Variants in SLC12A8 observed in about 807,000 individuals in gnomAD.
SLC12A8 encodes the protein solute carrier family 12 member 8.
SLC12A8 carries 69 observed loss-of-function variants against 75.6 expected under a neutral mutation model. The observed-to-expected ratio is 0.91, with a 90% confidence interval of 0.75 to 1.11. The LOEUF is 1.11. Among genes scored for constraint, SLC12A8 ranks in the 50% most tolerant of loss-of-function variants. The pLI is 0.00. For missense variants in SLC12A8, 877 were observed against 896.7 expected (o/e 0.98, Z 0.28); for synonymous variants, 365 against 372.8 (o/e 0.98, Z 0.24).
rs577049568 is a variant in SLC12A8 at position 125,130,716 on chromosome 3, T to C, written c.736+4953A>G. On this transcript the variant is annotated intron_variant, in intron 6 of 13. Coordinates refer to ENST00000469902, the MANE Select transcript of SLC12A8 (RefSeq NM_024628.6). ...ATACTCTGGGCTACTGGGTGGCACC[T>C]TCAAGCCTCAGGCTGCTGCTAACTC... 6.2e-4 allele frequency among the ~76,000 whole-genome samples: 95 copies of C among 152,358 alleles called. 1 individual carries two copies. Among genetic ancestry groups the C allele is most frequent in the African/African-American group, 2.2e-3 (90 of 41,590 alleles).
At chr3:125,124,386 G>T (rs1321268812) in intron 6 of SLC12A8, among the ~76,000 whole-genome samples, 2 of 152,134 alleles carry the variant, frequency 1.3e-5, no homozygotes, top group African/African-American at 2.4e-5. Flanking sequence ...GAGTGCAATA[G>T]TGTGATCTTG....
chr3:125,174,161 G>A (rs545867885), intron 5 of SLC12A8, among the ~76,000 whole-genome samples: 1 of 152,258 alleles, frequency 6.6e-6, no homozygotes, highest in South Asian at 2.1e-4. Flanking sequence ...TTTTTTAAAA[G>A]GGCAAAAGAT....
At chr3:125,095,041 A>C (rs777119917) in intron 10 of SLC12A8, among the ~76,000 whole-genome samples, 2 of 152,204 alleles carry the variant, frequency 1.3e-5, no homozygotes, top group African/African-American at 2.4e-5. Flanking sequence ...AAAATATTGG[A>C]GTATTCCAAC....
At chr3:125,095,144 G>A (rs1185700229) in intron 10 of SLC12A8, among the ~76,000 whole-genome samples, 1 of 152,142 alleles carries the variant, frequency 6.6e-6, no homozygotes, top group Non-Finnish European at 1.5e-5. Flanking sequence ...ATATATTGAT[G>A]ACTCCAAGTT....
At chr3:125,088,185 G>A in intron 13 of SLC12A8, 125 bp downstream of exon 13, 1 of 847,034 alleles carries the variant, frequency 1.2e-6, no homozygotes, top group Non-Finnish European at 1.9e-6. Flanking sequence ...TCCCGGAGGT[G>A]CCCAGTTGTT....
At chr3:125,139,964 C>T (rs921563193) in intron 5 of SLC12A8, among the ~76,000 whole-genome samples, 3 of 152,174 alleles carry the variant, frequency 2.0e-5, no homozygotes, top group African/African-American at 7.2e-5. Context: ...CCTTAAGGTT[C>T]GAGACCTCTA....
chr3:125,102,128 T>C (rs758807742), intron 10 of SLC12A8, among the ~76,000 whole-genome samples: 13 of 152,226 alleles, frequency 8.5e-5, no homozygotes, highest in Non-Finnish European at 1.8e-4. Flanking sequence ...TCAAATGTTA[T>C]GGTTGCACAG....
In SLC12A8 at chr3:125,110,195, TC is replaced by T. The variant is rs1423903064; in HGVS notation, c.1052del (p.Gly351AspfsTer16). ...AAAAAAGAGGATTACTCACCCCTTGTCCCAGACAGGCAAGTGCAGGGATCAC... is the reference window on the plus strand; with the variant it reads ...AAAAAAGAGGATTACTCACCCCTTGTCCAGACAGGCAAGTGCAGGGATCAC... ...EKVIPALACL[G>X]QGKGPNKTPV... On this transcript the variant is annotated frameshift_variant, in exon 9 of 14. Coordinates refer to ENST00000469902, the MANE Select transcript of SLC12A8 (RefSeq NM_024628.6). LOFTEE classifies it high-confidence loss of function. The T allele has an allele frequency of 6.2e-7, 1 of 1,612,662 alleles. No homozygotes were observed. Among genetic ancestry groups the T allele is most frequent in the Non-Finnish European group, 8.5e-7 (1 of 1,179,024 alleles).
intron 6 of SLC12A8, among the ~76,000 whole-genome samples, chr3:125,122,275 T>C (rs535025341): frequency 1.3e-5 from 2 of 152,208 alleles, no homozygotes; most frequent in Non-Finnish European, 1.5e-5. Context: ...GTCATTTTTA[T>C]TTGACTGTTT....
At chr3:125,159,557 G>C (rs1400716559) in intron 5 of SLC12A8, among the ~76,000 whole-genome samples, 1 of 152,206 alleles carries the variant, frequency 6.6e-6, no homozygotes, top group African/African-American at 2.4e-5. Flanking sequence ...GAACCAATCT[G>C]ATTTAGCCCT....
chr3:125,144,484 A>G (rs1256665952), intron 5 of SLC12A8, among the ~76,000 whole-genome samples: 1 of 152,050 alleles, frequency 6.6e-6, no homozygotes, highest in Non-Finnish European at 1.5e-5. Context: ...AGCCCCCACT[A>G]GCCTACCCTA....
intron 5 of SLC12A8, among the ~76,000 whole-genome samples, chr3:125,150,585 C>T (rs968800418): frequency 3.3e-5 from 5 of 152,052 alleles, no homozygotes; most frequent in East Asian, 1.9e-4. Flanking sequence ...TAGATAATTC[C>T]GATACAGGAA....
intron 6 of SLC12A8, among the ~76,000 whole-genome samples, chr3:125,127,766 C>T (rs1262474332): frequency 4.0e-5 from 6 of 151,090 alleles, no homozygotes; most frequent in Admixed American, 2.0e-4. Flanking sequence ...TAAGTATTGT[C>T]GATATTTATA....
intron 9 of SLC12A8, 25 bp downstream of exon 9, chr3:125,110,164 A>T: frequency 6.3e-7 from 1 of 1,598,424 alleles, no homozygotes; most frequent in African/African-American, 1.3e-5. Flanking sequence ...TTCAAAAAAC[A>T]AACCAAAAAA....
In SLC12A8 at chr3:125,190,498, G is replaced by A. The variant is rs1934890748; in HGVS notation, c.75C>T (p.Pro25=). The A allele has an allele frequency of 1.2e-6, 2 of 1,614,062 alleles. No individual in the cohort carries two copies. The highest frequency in any genetic ancestry group is 2.2e-5 in the South Asian group (2 of 91,086). ...AQQDALAQPQ[P]WWKTQLFMWE... ...ACATGAACAGCTGGGTCTTCCACCA[G>A]GGCTGGGGCTGGGCCAGGGCATCCT... is the stretch of plus-strand genomic sequence containing the variant. The change falls in exon 3 of 14, where the codon CCC becomes CCT. Residue 25 remains proline (P), a synonymous_variant. Coordinates refer to ENST00000469902, the MANE Select transcript of SLC12A8 (RefSeq NM_024628.6).
chr3:125,115,817 C>T (rs560312017), intron 8 of SLC12A8, among the ~76,000 whole-genome samples: 5 of 143,904 alleles, frequency 3.5e-5, no homozygotes, highest in Admixed American at 6.7e-5. Flanking sequence ...AGAGGTGATG[C>T]GCGGGGCACA....
chr3:125,196,218 C>T (rs757800591), intron 2 of SLC12A8, among the ~76,000 whole-genome samples: 5 of 152,114 alleles, frequency 3.3e-5, no homozygotes, highest in Non-Finnish European at 5.9e-5. Flanking sequence ...CAAAGAGAAA[C>T]AAATTATCCT....
intron 4 of SLC12A8, among the ~76,000 whole-genome samples, chr3:125,180,329 G>T (rs1240498764): frequency 6.6e-6 from 1 of 152,158 alleles, no homozygotes; most frequent in African/African-American, 2.4e-5. Flanking sequence ...TACAGATAAT[G>T]ATAGTAACCT....
chr3:125,193,084 T>C (rs1002349575), intron 2 of SLC12A8, among the ~76,000 whole-genome samples: 3 of 152,158 alleles, frequency 2.0e-5, no homozygotes, highest in African/African-American at 4.8e-5. Context: ...AATAGCAGCT[T>C]GGGGCTGGGC....
Sources: allele counts gnomAD v4.1 joint callset (sites outside exome capture counted in the v4.1 genomes callset), GRCh38; gene constraint gnomAD v4.1.1; transcripts MANE v1.5; gene names NCBI Gene and HGNC (gene_info 2026-07-23, HGNC 2026-07-21).